ARHGAP22: variants seen among roughly 807,000 people sequenced by gnomAD.
ARHGAP22 encodes the protein rho GTPase-activating protein 22.
In ARHGAP22, 48 loss-of-function variants were observed where a neutral mutation model predicts 59.1. That is an observed-to-expected ratio of 0.81 (90% CI 0.64 to 1.03). The LOEUF (loss-of-function observed/expected upper bound fraction) is 1.03, where lower values mean the gene tolerates loss of function less well. ARHGAP22 is among the 50% of genes least tolerant of loss of function. The pLI is 0.00. For synonymous variants in ARHGAP22, 445 were observed against 416.4 expected, an observed-to-expected ratio of 1.07 and a Z score of -0.84; for missense variants, 1,015 against 958.7, an observed-to-expected ratio of 1.06 and a Z score of -0.78.
intron 2 of ARHGAP22, among the ~76,000 whole-genome samples, chr10:48,573,220 C>T (rs543120997): frequency 9.2e-5 from 14 of 152,318 alleles, no homozygotes; most frequent in South Asian, 4.1e-4. Flanking sequence ...AAGTTCCACC[C>T]AGGGGAGAAG....
chr10:48,473,916 C>G (rs1419347103), intron 4 of ARHGAP22, among the ~76,000 whole-genome samples: 2 of 152,186 alleles, frequency 1.3e-5, no homozygotes, highest in African/African-American at 2.4e-5. Context: ...GCCCTGGGGA[C>G]CCGGTGACTA....
intron 2 of ARHGAP22, among the ~76,000 whole-genome samples, chr10:48,572,610 C>T (rs2058467420): frequency 6.6e-6 from 1 of 152,148 alleles, no homozygotes; most frequent in Non-Finnish European, 1.5e-5. Flanking sequence ...AGTCAGGACC[C>T]TCTTTGTGAA....
chr10:48,537,842 G>A (rs2055521568), intron 3 of ARHGAP22, among the ~76,000 whole-genome samples: 1 of 152,218 alleles, frequency 6.6e-6, no homozygotes, highest in Non-Finnish European at 1.5e-5. Flanking sequence ...GAGGTGCTAG[G>A]CAGAGAGGGG....
intron 1 of ARHGAP22, among the ~76,000 whole-genome samples, chr10:48,641,315 A>G (rs1318591199): frequency 1.3e-5 from 2 of 152,208 alleles, no homozygotes; most frequent in Non-Finnish European, 2.9e-5. Context: ...ATAAAATAGC[A>G]AGATCCATTA....
At chr10:48,530,415 G>C (rs573939890) in intron 3 of ARHGAP22, among the ~76,000 whole-genome samples, 1 of 152,004 alleles carries the variant, frequency 6.6e-6, no homozygotes, top group South Asian at 2.1e-4. Context: ...AAGATAAATA[G>C]ATGGGACTTA....
chr10:48,534,322 C>T (rs2055147584), intron 3 of ARHGAP22, among the ~76,000 whole-genome samples: 1 of 152,204 alleles, frequency 6.6e-6, no homozygotes, highest in African/African-American at 2.4e-5. Flanking sequence ...ATTTACAAAG[C>T]CCATTGTCCT....
intron 1 of ARHGAP22, among the ~76,000 whole-genome samples, chr10:48,613,103 A>C (rs2060954954): frequency 6.6e-6 from 1 of 152,006 alleles, no homozygotes; most frequent in Non-Finnish European, 1.5e-5. Flanking sequence ...CTCAGTGTAC[A>C]CCTTTGGCCT....
intron 1 of ARHGAP22, among the ~76,000 whole-genome samples, chr10:48,614,957 A>C (rs565865990): frequency 6.6e-6 from 1 of 152,378 alleles, no homozygotes; most frequent in African/African-American, 2.4e-5. Flanking sequence ...GAATTTTGTC[A>C]AAAACATTTA....
chr10:48,559,002 C>T (rs2057505592), intron 2 of ARHGAP22, among the ~76,000 whole-genome samples: 1 of 152,190 alleles, frequency 6.6e-6, no homozygotes, highest in African/African-American at 2.4e-5. Context: ...CTGTGTTTTG[C>T]CAAGATTCTG....
intron 2 of ARHGAP22, among the ~76,000 whole-genome samples, chr10:48,571,267 G>A (rs2058376659): frequency 6.6e-6 from 1 of 152,190 alleles, no homozygotes. Context: ...ATGGAGTGTA[G>A]AAGACAAATC....
At chr10:48,440,233 A>G in the ARHGAP22 span, among the ~76,000 whole-genome samples, 5 of 152,178 alleles carry the variant, frequency 3.3e-5, no homozygotes, top group South Asian at 8.3e-4. Context: ...TTAGCTGTTA[A>G]TGGTTATATA....
At chr10:48,582,416 G>A (rs190090832) in intron 2 of ARHGAP22, among the ~76,000 whole-genome samples, 2 of 152,310 alleles carry the variant, frequency 1.3e-5, no homozygotes, top group Admixed American at 6.5e-5. Flanking sequence ...TACTGTGATG[G>A]GCGAGGCTAC....
chr10:48,458,657 C>A (rs2046821808), intron 5 of ARHGAP22, among the ~76,000 whole-genome samples: 1 of 152,148 alleles, frequency 6.6e-6, no homozygotes, highest in Admixed American at 6.5e-5. Flanking sequence ...ACCCAGGTGA[C>A]ATTATTTGAA....
At chr10:48,550,873 C>T (rs934273239) in intron 3 of ARHGAP22, among the ~76,000 whole-genome samples, 2 of 152,174 alleles carry the variant, frequency 1.3e-5, no homozygotes, top group Admixed American at 1.3e-4. Flanking sequence ...TGGTGATTTT[C>T]CCAGGGTCCA....
At chr10:48,585,017 G>A (rs1308776127) in intron 1 of ARHGAP22, among the ~76,000 whole-genome samples, 1 of 148,992 alleles carries the variant, frequency 6.7e-6, no homozygotes, top group Admixed American at 6.7e-5. Flanking sequence ...AAATTACATA[G>A]CACTCAGGCA....
At chr10:48,488,302 T>C (rs2050045751) in intron 3 of ARHGAP22, among the ~76,000 whole-genome samples, 1 of 152,256 alleles carries the variant, frequency 6.6e-6, no homozygotes, top group Non-Finnish European at 1.5e-5. Flanking sequence ...AAAAACTGTT[T>C]TAATGTCTTT....
intron 3 of ARHGAP22, among the ~76,000 whole-genome samples, chr10:48,494,574 T>C (rs905865842): frequency 6.6e-6 from 1 of 152,186 alleles, no homozygotes; most frequent in African/African-American, 2.4e-5. Flanking sequence ...TGCCCATCTA[T>C]CCATCTGCTC....
chr10:48,597,977 T>A (rs2060166868), intron 1 of ARHGAP22, among the ~76,000 whole-genome samples: 1 of 152,224 alleles, frequency 6.6e-6, no homozygotes, highest in Non-Finnish European at 1.5e-5. Context: ...CCTAACTCAG[T>A]TCAGGCCTGT....
intron 1 of ARHGAP22, among the ~76,000 whole-genome samples, chr10:48,598,272 C>T (rs115257737): frequency 7.2e-5 from 11 of 152,312 alleles, no homozygotes; most frequent in African/African-American, 2.6e-4. Context: ...CAGCGCCCCT[C>T]TTCTGGGTAC....
Sources: gnomAD v4.1 joint callset for allele counts (sites outside exome capture counted in the v4.1 genomes callset) on GRCh38, gnomAD v4.1.1 for gene constraint, MANE v1.5 for transcripts, NCBI Gene and HGNC (gene_info 2026-07-23, HGNC 2026-07-21) for gene names.